DOCK7: variants seen among roughly 807,000 people sequenced by gnomAD.
DOCK7 encodes the protein dedicator of cytokinesis 7.
In DOCK7, 138 loss-of-function variants were observed where a neutral mutation model predicts 271.0. The ratio of observed to expected loss-of-function variants is 0.51; its 90% CI spans 0.44 to 0.59. The LOEUF is 0.59. Among genes scored for constraint, DOCK7 ranks in the 20% least tolerant of loss-of-function variants. The pLI is 0.00. For synonymous variants in DOCK7, 823 were observed against 876.1 expected (o/e 0.94, Z 1.07); for missense variants, 2,066 against 2,592.4 (o/e 0.80, Z 4.41).
intron 18 of DOCK7, among the ~76,000 whole-genome samples, chr1:62,569,476 A>G (rs1646694089): frequency 6.6e-6 from 1 of 152,116 alleles, no homozygotes; most frequent in African/African-American, 2.4e-5. Context: ...AACAGAACTA[A>G]AGACAAAAAC....
At chr1:62,570,211 A>T (rs1281412255) in intron 18 of DOCK7, among the ~76,000 whole-genome samples, 1 of 152,214 alleles carries the variant, frequency 6.6e-6, no homozygotes, top group East Asian at 1.9e-4. Context: ...AAGTCTCAGG[A>T]TACAAAATCA....
rs1347028709 is a variant in DOCK7, at chr1:62,539,805, T to C, written c.3133A>G (p.Ile1045Val). The change falls in exon 26 of 50, where the codon ATT becomes GTT. Residue 1045 changes from isoleucine (I) to valine (V), a missense_variant. Ile to Val is a conservative substitution (Grantham distance 29, BLOSUM62 3). Coordinates refer to ENST00000635253, the MANE Select transcript of DOCK7 (RefSeq NM_001367561.1). ...GCAATCGTGCTGACAAGAGCTGCAA[T>C]GTCATCCATGAAACGTTCTGGAAAA... ...SRFPERFMDD[I>V]AALVSTIASD... is the part of the protein sequence containing the mutation. 7 of 1,613,840 alleles carry C rather than the reference T, an allele frequency of 4.3e-6. No homozygotes were observed. The highest frequency in any genetic ancestry group is 1.7e-5 in the Admixed American group (1 of 59,994).
At chr1:62,680,208 G>A (rs1325248706) in intron 1 of DOCK7, among the ~76,000 whole-genome samples, 1 of 152,126 alleles carries the variant, frequency 6.6e-6, no homozygotes, top group Admixed American at 6.5e-5. Flanking sequence ...CAATGGAACA[G>A]AACAGAGCCC....
chr1:62,618,435 G>C (rs1260432817), intron 14 of DOCK7, among the ~76,000 whole-genome samples: 1 of 151,958 alleles, frequency 6.6e-6, no homozygotes. Context: ...CTAACCCTTG[G>C]TTTACTCACC....
chr1:62,475,313 C>T lies in DOCK7; in HGVS notation c.6000G>A (p.Met2000Ile), dbSNP rs751280006. 6.2e-7 allele frequency: 1 copy of T among 1,613,934 alleles called. No homozygotes were observed. Among genetic ancestry groups the T allele is most frequent in the Admixed American group, 1.7e-5 (1 of 59,992 alleles). Residue 2000 changes from methionine (M) to isoleucine (I), a missense_variant, in exon 47 of 50, where the codon ATG (methionine) becomes ATA (isoleucine). This residue lies in a region of DOCK7 where 652 missense variants were observed against 922.1 expected (regional missense o/e 0.71). Transcript: ENST00000635253. ...ATGCCAACTCCTGTGTCTTTTTCTG[C>T]ATGTCCTCAATAGCAACTTCAATTG... Reference protein sequence around the residue: ...LTPIEVAIEDMQKKTQELAFA... With the variant: ...LTPIEVAIEDIQKKTQELAFA...
At chr1:62,630,224 G>C (rs1654449688) in intron 11 of DOCK7, among the ~76,000 whole-genome samples, 2 of 152,084 alleles carry the variant, frequency 1.3e-5, no homozygotes, top group East Asian at 3.9e-4. Flanking sequence ...TGGAATCAAG[G>C]CCCTTTGTTT....
chr1:62,602,016 C>T (rs577719740), intron 14 of DOCK7: 1 of 618,650 alleles, frequency 1.6e-6, no homozygotes, highest in South Asian at 2.1e-5. Context: ...AAATATAATA[C>T]TTTTACCTTG....
intron 46 of DOCK7, 61 bp from the exon 47 acceptor site, chr1:62,475,412 T>G: frequency 1.3e-6 from 2 of 1,519,866 alleles, no homozygotes; most frequent in Non-Finnish European, 1.8e-6. Context: ...ATGAACTTTA[T>G]GTATAATCAA....
At chr1:62,505,145 A>G (rs964870724) in intron 36 of DOCK7, among the ~76,000 whole-genome samples, 1 of 152,250 alleles carries the variant, frequency 6.6e-6, no homozygotes, top group African/African-American at 2.4e-5. Context: ...ATTTTCATCA[A>G]CATCTCTGCA....
intron 22 of DOCK7, among the ~76,000 whole-genome samples, chr1:62,546,666 C>T (rs939978675): frequency 6.6e-5 from 10 of 152,080 alleles, no homozygotes; most frequent in Non-Finnish European, 1.5e-4. Context: ...ATTTCCCATA[C>T]ATATTTTTCT....
chr1:62,600,491 C>T (rs1334156372), intron 14 of DOCK7, among the ~76,000 whole-genome samples: 1 of 151,666 alleles, frequency 6.6e-6, no homozygotes, highest in African/African-American at 2.4e-5. Context: ...ATGAGAAAAA[C>T]TATCATTCAA....
In DOCK7 at chr1:62,547,800, T is replaced by C. The variant is rs140775907; in HGVS notation, c.2767-2761A>G. Among the ~76,000 whole-genome samples the C allele has an allele frequency of 2.5e-3, 376 of 152,340 alleles. 10 individuals are homozygous for C. The South Asian group carries it at 0.065, about 26-fold the overall frequency. On this transcript the variant is annotated intron_variant, in intron 22 of 49. Transcript: ENST00000635253. ...AGAAGTCTCACAAATATTTTCACAT[T>C]TACATTACAGCCACTGGAGTAATAA...
chr1:62,538,209 A>G (rs1225776829), intron 27 of DOCK7, 148 bp from the exon 28 acceptor site: 1 of 715,678 alleles, frequency 1.4e-6, no homozygotes. Flanking sequence ...ACCTTTTTCC[A>G]GAGTTACTGC....
At chr1:62,546,711 T>C (rs1645720681) in intron 22 of DOCK7, among the ~76,000 whole-genome samples, 1 of 152,104 alleles carries the variant, frequency 6.6e-6, no homozygotes. Context: ...TTAGACAATA[T>C]CAAAATACTA....
intron 14 of DOCK7, among the ~76,000 whole-genome samples, chr1:62,610,230 A>T (rs1651592119): frequency 6.6e-6 from 1 of 152,136 alleles, no homozygotes; most frequent in South Asian, 2.1e-4. Flanking sequence ...ACAAAACCAA[A>T]ATAGCAGAGT....
At position 62,631,223 on chromosome 1, in the gene DOCK7, G is replaced by T. The variant is rs754912476; in HGVS notation, c.1282+17C>A. On this transcript the variant is annotated intron_variant, in intron 11 of 49. Coordinates refer to ENST00000635253, the MANE Select transcript of DOCK7 (RefSeq NM_001367561.1). Reference sequence around the variant, plus strand: ...AAAAGTAAACATTTAGAAATGTTTTGTATGAAACACTCTTACCTCCAGTAC... The same window carrying T: ...AAAAGTAAACATTTAGAAATGTTTTTTATGAAACACTCTTACCTCCAGTAC... 6 of 1,554,136 alleles carry T rather than the reference G, an allele frequency of 3.9e-6. No homozygotes were observed. The Admixed American group carries it at 8.4e-5, about 22-fold the overall frequency.
rs1347265126 is a variant in DOCK7 at position 62,636,551 on chromosome 1, T to C, written c.871A>G (p.Lys291Glu). 6.2e-7 allele frequency: 1 copy of C among 1,601,690 alleles called. No individual in the cohort carries two copies. Among genetic ancestry groups the C allele is most frequent in the Admixed American group, 1.7e-5 (1 of 59,144 alleles). The change falls in exon 8 of 50, where the codon AAG becomes GAG. Residue 291 changes from lysine (K) to glutamate (E), a missense_variant. Lys to Glu is a moderately conservative substitution (Grantham distance 56, BLOSUM62 1). This residue lies in a region of DOCK7 where 1,414 missense variants were observed against 1,670.4 expected (regional missense o/e 0.85). Coordinates refer to ENST00000635253, the MANE Select transcript of DOCK7 (RefSeq NM_001367561.1). Reference protein sequence around the residue: ...IFASLALYDVKEKKKISENFY... With the variant: ...IFASLALYDVEEKKKISENFY... Reference sequence around the variant, plus strand: ...TATAATCTTACCTTTTTCTTTTCCTTGACATCATATAAAGCCAAACTTGCA... The same window carrying C: ...TATAATCTTACCTTTTTCTTTTCCTCGACATCATATAAAGCCAAACTTGCA...
intron 21 of DOCK7, among the ~76,000 whole-genome samples, chr1:62,555,129 G>A (rs771883519): frequency 2.0e-4 from 31 of 152,014 alleles, no homozygotes; most frequent in Non-Finnish European, 3.7e-4. Context: ...ATCTCCCACC[G>A]TTACCTCCAC....
intron 14 of DOCK7, chr1:62,598,674 C>G (rs1649650663): frequency 7.2e-7 from 1 of 1,394,236 alleles, no homozygotes; most frequent in Non-Finnish European, 1.0e-6. Context: ...CAACTTATAA[C>G]CAACCTACTC....
Sources: gnomAD v4.1 joint callset for allele counts (sites outside exome capture counted in the v4.1 genomes callset) on GRCh38, gnomAD v4.1.1 for gene constraint, gnomAD v4.1.1 regional missense constraint, MANE v1.5 for transcripts, NCBI Gene and HGNC (gene_info 2026-07-23, HGNC 2026-07-21) for gene names.